The following ST3GAL3 variants were observed in gnomAD, a reference collection of about 807,000 sequenced individuals.
ST3GAL3 encodes ST3 beta-galactoside alpha-2,3-sialyltransferase 3.
In ST3GAL3, 21 loss-of-function variants were observed where a neutral mutation model predicts 50.1. The ratio of observed to expected loss-of-function variants is 0.42; its 90% CI spans 0.30 to 0.60. The LOEUF is 0.60. Ranked by LOEUF, ST3GAL3 falls within the 20% of genes least tolerant of loss-of-function variation. ST3GAL3 has a pLI of 0.19. For missense variants in ST3GAL3, 353 were observed against 489.4 expected (o/e 0.72, Z 2.63); for synonymous variants, 183 against 190.0 (o/e 0.96, Z 0.30).
intron 5 of ST3GAL3, among the ~76,000 whole-genome samples, chr1:43,871,300 A>T (rs2072648480): frequency 6.6e-6 from 1 of 152,234 alleles, no homozygotes; most frequent in Non-Finnish European, 1.5e-5. Flanking sequence ...GAACCCTGGT[A>T]GAGAACTCAG....
In ST3GAL3 at chr1:43,758,165, C is replaced by A. The variant is rs1490706725; in HGVS notation, c.118+21785C>A. 3.6e-5 allele frequency among the ~76,000 whole-genome samples: 5 copies of A among 138,238 alleles called. 1 individual carries two copies. 90.7% of individuals were successfully genotyped at this position (138,238 alleles called of 152,430 possible). ...TATACTCCATTGGCTGCATACCACC[C>A]CCCCCCCCAAAAAAAAGGCAGTATC... On this transcript the variant is annotated intron_variant, in intron 2 of 11. Coordinates refer to ENST00000347631, the MANE Select transcript of ST3GAL3 (RefSeq NM_006279.5).
At chr1:43,768,119 G>GT (rs1488296199) in intron 2 of ST3GAL3, among the ~76,000 whole-genome samples, 2 of 152,070 alleles carry the variant, frequency 1.3e-5, no homozygotes, top group African/African-American at 2.4e-5. Flanking sequence ...CAAGGAGCAA[G>GT]TTTTTTTAAA....
chr1:43,775,799 T>A (rs895860074), intron 2 of ST3GAL3, among the ~76,000 whole-genome samples: 1 of 152,048 alleles, frequency 6.6e-6, no homozygotes, highest in Non-Finnish European at 1.5e-5. Flanking sequence ...TTTTTTTTTT[T>A]AAGTCCCTTT....
chr1:43,754,543 G>A (rs1362302946), intron 2 of ST3GAL3, among the ~76,000 whole-genome samples: 3 of 152,192 alleles, frequency 2.0e-5, no homozygotes, highest in Admixed American at 2.0e-4. Flanking sequence ...CAAGTCGAAG[G>A]AGAAAGGGCA....
chr1:43,906,424 C>T (rs940574465), intron 9 of ST3GAL3, among the ~76,000 whole-genome samples: 2 of 141,992 alleles, frequency 1.4e-5, no homozygotes, highest in Admixed American at 7.0e-5. Context: ...TGTTCCTCTT[C>T]CCACCACTCT....
chr1:43,746,603 C>T (rs1026090097), intron 2 of ST3GAL3, among the ~76,000 whole-genome samples: 3 of 151,304 alleles, frequency 2.0e-5, no homozygotes, highest in Non-Finnish European at 2.9e-5. Context: ...GCTGAGACTA[C>T]AGGAGCCCGC....
At chr1:43,752,140 T>C (rs1245576424) in intron 2 of ST3GAL3, among the ~76,000 whole-genome samples, 1 of 152,200 alleles carries the variant, frequency 6.6e-6, no homozygotes, top group Non-Finnish European at 1.5e-5. Flanking sequence ...CATTCAACTA[T>C]GTGCTTGGAG....
chr1:43,871,611 A>G (rs1476203988), intron 5 of ST3GAL3, among the ~76,000 whole-genome samples: 6 of 62,366 alleles, frequency 9.6e-5, no homozygotes, highest in Non-Finnish European at 9.3e-5. Context: ...GTGAGGGAGA[A>G]GATGGGATGT....
At chr1:43,885,769 A>C (rs2075882586) in intron 5 of ST3GAL3, among the ~76,000 whole-genome samples, 1 of 152,206 alleles carries the variant, frequency 6.6e-6, no homozygotes, top group South Asian at 2.1e-4. Context: ...AGGCCTCTGC[A>C]GGTGTCAAGC....
chr1:43,789,547 A>C (rs1451965022), intron 2 of ST3GAL3, among the ~76,000 whole-genome samples: 1 of 152,156 alleles, frequency 6.6e-6, no homozygotes, highest in Non-Finnish European at 1.5e-5. Context: ...CTTCTCAATG[A>C]GAGGAGATAA....
chr1:43,898,946 G>T, intron 7 of ST3GAL3: 1 of 600,956 alleles, frequency 1.7e-6, no homozygotes, highest in South Asian at 2.1e-5. Flanking sequence ...TTTTCCTGGG[G>T]AAGTGTCAGG....
chr1:43,926,380 G>A (rs1036774538), intron 11 of ST3GAL3, among the ~76,000 whole-genome samples: 1 of 152,120 alleles, frequency 6.6e-6, no homozygotes, highest in African/African-American at 2.4e-5. Flanking sequence ...TCTGAGGTCG[G>A]GAGTTCCGAG....
chr1:43,765,396 C>G (rs1692179907), intron 2 of ST3GAL3, among the ~76,000 whole-genome samples: 1 of 152,200 alleles, frequency 6.6e-6, no homozygotes, highest in Admixed American at 6.5e-5. Flanking sequence ...TTCCACAGAT[C>G]AGTACTCAGT....
At chr1:43,904,942 C>CCTCCCCCTCCTCCTGCTCCT (rs147462465) in intron 9 of ST3GAL3, among the ~76,000 whole-genome samples, 1 of 1,708 alleles carries the variant, frequency 5.9e-4, no homozygotes, top group Non-Finnish European at 1.1e-3. Context: ...TCCCCTTCCT[C>CCTCCCCCTCCTCCTGCTCCT]CTTTCTGCCA....
In ST3GAL3 at chr1:43,733,981, G is replaced by A. The variant is rs559609797; in HGVS notation, c.-30-2252G>A. On this transcript the variant is annotated intron_variant, in intron 1 of 11. Transcript: ENST00000347631. ...AAAAATCAGCTAGGTGTGGTGGCGC[G>A]TGCCTGTAATCCCAGCTACTCGGGA... Among the ~76,000 whole-genome samples, 44 of 152,162 alleles carry A rather than the reference G, an allele frequency of 2.9e-4. No homozygotes were observed. In the East Asian group the frequency reaches 3.3e-3, roughly 11 times the overall value.
chr1:43,930,213 G>A lies in ST3GAL3; in HGVS notation c.1120G>A (p.Gly374Ser). 6.2e-7 allele frequency: 1 copy of A among 1,613,602 alleles called. No homozygotes were observed. The highest frequency in any genetic ancestry group is 8.5e-7 in the Non-Finnish European group (1 of 1,180,040). Residue 374 changes from glycine (G) to serine (S), a missense_variant, in exon 12 of 12, where the codon GGC (glycine) becomes AGC (serine). By Grantham distance (56) the Gly-to-Ser change is moderately conservative (BLOSUM62 0). Coordinates refer to ENST00000347631, the MANE Select transcript of ST3GAL3 (RefSeq NM_006279.5). The part of the protein sequence containing the change: ...KARVITDLSS[G>S]I ...TCGCGTCATCACTGATCTAAGCAGT[G>A]GCATCTGAGTGGGCCCAGCACATGG...
chr1:43,920,628 T>C (rs1181465008), intron 10 of ST3GAL3, 78 bp downstream of exon 10: 1 of 1,597,520 alleles, frequency 6.3e-7, no homozygotes, highest in African/African-American at 1.3e-5. Flanking sequence ...GGGTGGTGGG[T>C]GGGGCAGTGC....
chr1:43,906,501 A>C (rs1378274187), intron 9 of ST3GAL3, among the ~76,000 whole-genome samples: 149 of 38,656 alleles, frequency 3.9e-3, no homozygotes, highest in Admixed American at 7.4e-3. Context: ...CCTTCCCGCC[A>C]CTCTTCCCCC....
intron 4 of ST3GAL3, chr1:43,825,035 T>C (rs2062604683): frequency 1.5e-6 from 1 of 671,994 alleles, no homozygotes; most frequent in Non-Finnish European, 2.7e-6. Flanking sequence ...TGTGTGATGA[T>C]TCATAACTAA....
Sources: gnomAD v4.1 joint callset for allele counts (sites outside exome capture counted in the v4.1 genomes callset) on GRCh38, gnomAD v4.1.1 for gene constraint, MANE v1.5 for transcripts, NCBI Gene and HGNC (gene_info 2026-07-23, HGNC 2026-07-21) for gene names.